BMERB1: variants seen among roughly 807,000 people sequenced by gnomAD.
BMERB1 encodes the protein bMERB domain containing 1, also known as bMERB domain-containing protein 1.
A neutral mutation model predicts 23.6 loss-of-function variants in BMERB1; 12 were observed. The observed-to-expected ratio is 0.51, with a 90% CI of 0.33 to 0.82. The LOEUF (loss-of-function observed/expected upper bound fraction) is 0.82, where lower values mean the gene tolerates loss of function less well. Ranked by LOEUF, BMERB1 falls within the 40% of genes least tolerant of loss-of-function variation. The pLI, the probability that BMERB1 is intolerant of heterozygous loss-of-function variation, is 0.03. For missense variants in BMERB1, 247 were observed against 255.4 expected (o/e 0.97, Z 0.22); for synonymous variants, 122 against 96.6 (o/e 1.26, Z -1.54).
intron 2 of BMERB1, among the ~76,000 whole-genome samples, chr16:15,562,303 C>CAAA (rs55709812): frequency 2.5e-5 from 2 of 79,436 alleles, no homozygotes; most frequent in Non-Finnish European, 4.9e-5. Context: ...AACTCTTTTT[C>CAAA]AAAAAAAAAA....
chr16:15,583,619 G>A (rs2031071100), intron 5 of BMERB1, among the ~76,000 whole-genome samples: 1 of 151,594 alleles, frequency 6.6e-6, no homozygotes, highest in Non-Finnish European at 1.5e-5. Flanking sequence ...GAGAAGTCTG[G>A]GAGCCATAAG....
intron 1 of BMERB1, among the ~76,000 whole-genome samples, chr16:15,477,862 T>C (rs1169252502): frequency 6.6e-6 from 1 of 152,124 alleles, no homozygotes; most frequent in African/African-American, 2.4e-5. Flanking sequence ...AGGTAGTATG[T>C]CTTCTCCTTT....
intron 1 of BMERB1, among the ~76,000 whole-genome samples, chr16:15,467,461 G>A (rs183959023): frequency 5.3e-5 from 8 of 152,088 alleles, no homozygotes; most frequent in African/African-American, 7.2e-5. Context: ...ATCTTTTTAT[G>A]GGCTTATTTG....
At chr16:15,444,789 C>T (rs2050975293) in intron 1 of BMERB1, among the ~76,000 whole-genome samples, 1 of 152,194 alleles carries the variant, frequency 6.6e-6, no homozygotes, top group South Asian at 2.1e-4. Flanking sequence ...TGTCCTGGCT[C>T]TGGACTTTGA....
At chr16:15,566,881 T>C (rs568036598) in intron 2 of BMERB1, among the ~76,000 whole-genome samples, 1 of 151,176 alleles carries the variant, frequency 6.6e-6, no homozygotes, top group African/African-American at 2.4e-5. Flanking sequence ...AAGCATACGC[T>C]TTTTTTTTAA....
chr16:15,557,143 C>T (rs1303352918), intron 2 of BMERB1, among the ~76,000 whole-genome samples: 5 of 152,114 alleles, frequency 3.3e-5, no homozygotes, highest in African/African-American at 1.2e-4. Flanking sequence ...CTCTCCGCAC[C>T]CAACGCTGAT....
chr16:15,495,040 C>T (rs1405199770), intron 1 of BMERB1, among the ~76,000 whole-genome samples: 1 of 151,116 alleles, frequency 6.6e-6, no homozygotes, highest in Non-Finnish European at 1.5e-5. Context: ...TGCGCCACCA[C>T]CCCTGGCTAA....
At chr16:15,505,693 T>C (rs6498559) in intron 1 of BMERB1, among the ~76,000 whole-genome samples, 85,810 of 151,594 alleles carry the variant, frequency 0.57, 26,623 homozygotes, top group Middle Eastern at 0.73. Flanking sequence ...ATCGAGACCA[T>C]CCTGGCTAAC....
chr16:15,549,242 G>A (rs1244112758), intron 2 of BMERB1, among the ~76,000 whole-genome samples: 1 of 151,424 alleles, frequency 6.6e-6, no homozygotes, highest in African/African-American at 2.4e-5. Flanking sequence ...GGGAGGCTGA[G>A]CCAGAGGAAT....
chr16:15,466,591 T>C (rs1021164892), intron 1 of BMERB1, among the ~76,000 whole-genome samples: 11 of 152,176 alleles, frequency 7.2e-5, no homozygotes, highest in Non-Finnish European at 1.3e-4. Flanking sequence ...CAGAGATCTA[T>C]GTATGCCTTT....
chr16:15,475,425 T>C (rs543318630), intron 1 of BMERB1, among the ~76,000 whole-genome samples: 1 of 152,244 alleles, frequency 6.6e-6, no homozygotes, highest in South Asian at 2.1e-4. Context: ...CTCACAGAAC[T>C]CCCTGAAAGC....
intron 1 of BMERB1, among the ~76,000 whole-genome samples, chr16:15,471,581 A>G (rs529867723): frequency 6.6e-6 from 1 of 152,190 alleles, no homozygotes; most frequent in African/African-American, 2.4e-5. Context: ...CATTTCTGAT[A>G]TTAGTGCTTT....
At chr16:15,438,775 G>A (rs529509025) in intron 1 of BMERB1, among the ~76,000 whole-genome samples, 5 of 152,190 alleles carry the variant, frequency 3.3e-5, no homozygotes, top group East Asian at 1.9e-4. Context: ...TTCTAGATGC[G>A]TGTTTGCACG....
At chr16:15,524,494 G>T (rs1007594795) in intron 2 of BMERB1, among the ~76,000 whole-genome samples, 1 of 152,142 alleles carries the variant, frequency 6.6e-6, no homozygotes, top group Non-Finnish European at 1.5e-5. Flanking sequence ...TAGTCTGGGC[G>T]CAGTGGCTCA....
chr16:15,466,990 T>G (rs544270800), intron 1 of BMERB1, among the ~76,000 whole-genome samples: 3 of 152,320 alleles, frequency 2.0e-5, no homozygotes, highest in African/African-American at 7.2e-5. Flanking sequence ...TCACCGTAAT[T>G]CTCTCAAGAT....
chr16:15,439,249 G>A (rs749582952), intron 1 of BMERB1, among the ~76,000 whole-genome samples: 9 of 152,198 alleles, frequency 5.9e-5, no homozygotes, highest in Non-Finnish European at 7.3e-5. Context: ...TCACTTGGTA[G>A]ATTTGTGACC....
chr16:15,570,343 C>G (rs1246209117), intron 3 of BMERB1, among the ~76,000 whole-genome samples: 1 of 152,160 alleles, frequency 6.6e-6, no homozygotes, highest in Non-Finnish European at 1.5e-5. Flanking sequence ...TCTTACTGAG[C>G]TACAAGTGCA....
At chr16:15,472,700 G>A (rs1286523413) in intron 1 of BMERB1, among the ~76,000 whole-genome samples, 2 of 152,026 alleles carry the variant, frequency 1.3e-5, no homozygotes, top group African/African-American at 4.8e-5. Context: ...TTGCCAATCT[G>A]TCTTTAAACT....
chr16:15,514,555 G>T (rs2051721533), intron 1 of BMERB1, among the ~76,000 whole-genome samples: 1 of 152,078 alleles, frequency 6.6e-6, no homozygotes, highest in Non-Finnish European at 1.5e-5. Context: ...ACTTTGGGAG[G>T]TTGAGGCGGG....
Sources: allele counts gnomAD v4.1 joint callset (sites outside exome capture counted in the v4.1 genomes callset), GRCh38; gene constraint gnomAD v4.1.1; transcripts MANE v1.5; gene names NCBI Gene and HGNC (gene_info 2026-07-23, HGNC 2026-07-21).